Variants in ALS2 observed in about 807,000 individuals in gnomAD.
ALS2 encodes alsin.
ALS2 carries 117 observed loss-of-function variants against 203.4 expected under a neutral mutation model. That is an observed-to-expected ratio of 0.58 (90% confidence interval 0.50 to 0.67). The LOEUF (loss-of-function observed/expected upper bound fraction) is 0.67, where lower values mean the gene tolerates loss of function less well. Ranked by LOEUF, ALS2 falls within the 30% of genes least tolerant of loss-of-function variation. The pLI is 0.00. For synonymous variants in ALS2, 718 were observed against 725.9 expected, an observed-to-expected ratio of 0.99 and a Z score of 0.17; for missense variants, 1,715 against 1,989.4, an observed-to-expected ratio of 0.86 and a Z score of 2.62.
intron 12 of ALS2, among the ~76,000 whole-genome samples, chr2:201,736,350 G>C (rs1200574209): frequency 6.6e-6 from 1 of 152,050 alleles, no homozygotes; most frequent in African/African-American, 2.4e-5. Context: ...AAATCAACAA[G>C]CATGTGAGTC....
chr2:201,773,139 C>T (rs981157563), intron 1 of ALS2, among the ~76,000 whole-genome samples: 3 of 152,070 alleles, frequency 2.0e-5, no homozygotes, highest in African/African-American at 7.2e-5. Context: ...GGATTACAGG[C>T]GTGAGCCAAT....
chr2:201,727,058 C>A lies in ALS2; in HGVS notation c.2979+154G>T, dbSNP rs982217644. Among the ~76,000 whole-genome samples, 177 of 141,312 alleles carry A rather than the reference C, an allele frequency of 1.3e-3. No individual in the cohort carries two copies. Among genetic ancestry groups the A allele is most frequent in the African/African-American group, 3.8e-3 (144 of 38,040 alleles). The allele number at this position is 141,312 out of a possible 152,430, so 92.7% of individuals were successfully genotyped here. On this transcript the variant is annotated intron_variant, in intron 17 of 33. Transcript: ENST00000264276. Reference sequence around the variant, plus strand: ...AATTAAGTCACATTAAAAAAAAAAACAATGAAGAACCTACAGTTTTGGGTT... The same window carrying A: ...AATTAAGTCACATTAAAAAAAAAAAAAATGAAGAACCTACAGTTTTGGGTT...
chr2:201,701,457 C>T lies in ALS2; in HGVS notation c.*394G>A, dbSNP rs745888492. 3 of 171,906 alleles carry T rather than the reference C, an allele frequency of 1.7e-5. No homozygotes were observed. The highest frequency in any genetic ancestry group is 1.5e-4 in the East Asian group (1 of 6,480). The allele number at this position is 171,906 out of a possible 1,614,324, so 10.6% of individuals were successfully genotyped here. A position where few individuals can be genotyped will look rare whatever the true frequency, so the allele number is the denominator to read the frequency against. On this transcript the variant is annotated 3_prime_UTR_variant, in exon 34 of 34. Coordinates refer to ENST00000264276, the MANE Select transcript of ALS2 (RefSeq NM_020919.4). ...TAACTGCAGGTGGATTCAGGCAAAC[C>T]AGAAATTCAAAAATATCCATCAACT...
At chr2:201,718,678 A>G (rs1690565927) in intron 23 of ALS2, among the ~76,000 whole-genome samples, 1 of 152,232 alleles carries the variant, frequency 6.6e-6, no homozygotes. Context: ...ATGCATGTCT[A>G]AAAGAGTATA....
intron 23 of ALS2, chr2:201,722,407 T>C (rs1265686855): frequency 6.6e-6 from 1 of 152,296 alleles, no homozygotes; most frequent in African/African-American, 2.4e-5. Context: ...ACAGACACTT[T>C]GGAAAAAAGT....
intron 6 of ALS2, among the ~76,000 whole-genome samples, chr2:201,753,589 TATG>T (rs1308755743): frequency 6.6e-6 from 1 of 152,218 alleles, no homozygotes; most frequent in Non-Finnish European, 1.5e-5. Context: ...TTCACTCTAC[TATG>T]AATACAGACA....
At position 201,753,248 on chromosome 2, in the gene ALS2, A is replaced by G. The variant is rs772426093; in HGVS notation, c.1641-6T>C. The G allele has an allele frequency of 6.2e-7, 1 of 1,611,272 alleles. No individual in the cohort carries two copies. On this transcript the variant is annotated splice_region_variant and splice_polypyrimidine_tract_variant and intron_variant, in intron 6 of 33. Coordinates refer to ENST00000264276, the MANE Select transcript of ALS2 (RefSeq NM_020919.4). ...TTACACACAACGGTTGAAGCCTTAAAAAGAAACACACAGGCACACAAAGTC... is the reference window on the plus strand; with the variant it reads ...TTACACACAACGGTTGAAGCCTTAAGAAGAAACACACAGGCACACAAAGTC...
intron 7 of ALS2, 89 bp from the exon 8 acceptor site, chr2:201,749,878 C>T (rs1692925002): frequency 1.1e-6 from 1 of 946,430 alleles, no homozygotes; most frequent in Non-Finnish European, 1.7e-6. Flanking sequence ...AACATATATA[C>T]ACAAATACCA....
intron 17 of ALS2, 116 bp downstream of exon 17, chr2:201,727,096 T>A: frequency 9.3e-7 from 1 of 1,078,544 alleles, no homozygotes; most frequent in Admixed American, 1.9e-5. Flanking sequence ...TGAAGATTTA[T>A]CAGACAGAAC....
intron 32 of ALS2, 84 bp from the exon 33 acceptor site, chr2:201,704,302 G>A: frequency 1.3e-6 from 2 of 1,498,216 alleles, no homozygotes; most frequent in Non-Finnish European, 9.3e-7. Flanking sequence ...GAAAAAGAAA[G>A]AACAGCTCAA....
intron 12 of ALS2, among the ~76,000 whole-genome samples, chr2:201,733,784 T>C (rs1691716805): frequency 6.6e-6 from 1 of 152,126 alleles, no homozygotes; most frequent in Non-Finnish European, 1.5e-5. Context: ...GTCACAGCAA[T>C]AAATGGCAAG....
rs771624415 is a variant in ALS2 at position 201,754,534 on chromosome 2, C to T, written c.1609G>A (p.Gly537Arg). 6 of 1,614,098 alleles carry T rather than the reference C, an allele frequency of 3.7e-6. No homozygotes were observed. The highest frequency in any genetic ancestry group is 5.1e-6 in the Non-Finnish European group (6 of 1,180,008). The change falls in exon 6 of 34, where the codon GGG (glycine) becomes AGG (arginine). Residue 537 changes from glycine (G) to arginine (R), a missense_variant. Physicochemically the swap from Gly to Arg is moderately radical, Grantham distance 125. Around this residue, in one of 3 missense-constraint regions of ALS2, gnomAD observed 1,227 missense variants for 1,413.5 expected, o/e 0.87. Transcript: ENST00000264276. ...AGAACATCGCCGTGCCCCAGCTGCC[C>T]TTCCTTCCCTTTCCCCCAGGTCCAC... is the stretch of plus-strand genomic sequence containing the variant. ...EVWTWGKGKE[G>R]QLGHGDVLPR...
chr2:201,725,185 G>GGTT (rs1285235868), intron 20 of ALS2, among the ~76,000 whole-genome samples, 171 bp downstream of exon 20: 2 of 151,658 alleles, frequency 1.3e-5, no homozygotes, highest in African/African-American at 4.8e-5. Context: ...ATAGATGAGG[G>GGTT]GTTAACCTTT....
At chr2:201,766,230 C>A (rs1348713181) in intron 3 of ALS2, among the ~76,000 whole-genome samples, 2 of 152,080 alleles carry the variant, frequency 1.3e-5, no homozygotes, top group Non-Finnish European at 2.9e-5. Flanking sequence ...TATTTATTAC[C>A]ATAAAATTTT....
At position 201,706,878 on chromosome 2, in the gene ALS2, A is replaced by ATCTG. The variant is rs1337097412; in HGVS notation, c.4544_4547dup (p.Ile1517ArgfsTer26). ...CCCCAAGAAAGCCCAGGAGAGCAATATCTGGCTGCTTATTTAGTCGAAGGA... is the reference window on the plus strand; with the variant it reads ...CCCCAAGAAAGCCCAGGAGAGCAATATCTGTCTGGCTGCTTATTTAGTCGAAGGA... On this transcript the variant is annotated frameshift_variant, in exon 29 of 34. Coordinates refer to ENST00000264276, the MANE Select transcript of ALS2 (RefSeq NM_020919.4). LOFTEE classifies it high-confidence loss of function. 1.6e-5 allele frequency: 26 copies of ATCTG among 1,614,076 alleles called. No individual in the cohort carries two copies. Among genetic ancestry groups the ATCTG allele is most frequent in the Non-Finnish European group, 2.2e-5 (26 of 1,179,968 alleles).
chr2:201,733,331 C>A lies in ALS2; in HGVS notation c.2525G>T (p.Arg842Ile). The A allele has an allele frequency of 6.2e-7, 1 of 1,613,856 alleles. No homozygotes were observed. The highest frequency in any genetic ancestry group is 8.5e-7 in the Non-Finnish European group (1 of 1,179,928). ...ILNTLFFLPIRRLHNYAKVLL... is the reference protein window; with the variant it reads ...ILNTLFFLPIIRLHNYAKVLL... The stretch of plus-strand genomic sequence containing the variant: ...AACTTTTGCGTAATTATGAAGTCGT[C>A]TGATTGGCAAGAAAAACAAAGTATT... The change falls in exon 13 of 34, where the codon AGA (arginine) becomes ATA (isoleucine). Residue 842 changes from arginine to isoleucine, a missense_variant. This residue lies in a region of ALS2 where 1,227 missense variants were observed against 1,413.5 expected (regional missense o/e 0.87). Transcript: ENST00000264276.
chr2:201,746,880 C>T, intron 8 of ALS2, 132 bp from the exon 9 acceptor site: 1 of 976,470 alleles, frequency 1.0e-6, no homozygotes, highest in Non-Finnish European at 1.6e-6. Context: ...GCAAACTTAC[C>T]CAGCAATTTG....
At position 201,711,091 on chromosome 2, in the gene ALS2, C is replaced by G; in HGVS notation, c.4022G>C (p.Arg1341Pro). ...QHRDSPEILS[R>P]SQTQTLESLE... Reference sequence around the variant, plus strand: ...ACTCTCTAGTGTCTGAGTCTGTGAACGACTCAGTATTTCTGGACTATAAAA... The same window carrying G: ...ACTCTCTAGTGTCTGAGTCTGTGAAGGACTCAGTATTTCTGGACTATAAAA... The change falls in exon 26 of 34, where the codon CGT (arginine) becomes CCT (proline). Residue 1341 changes from arginine to proline, a missense_variant. By Grantham distance (103) the Arg-to-Pro change is moderately radical (BLOSUM62 -2). Around this residue, in one of 3 missense-constraint regions of ALS2, gnomAD observed 1,227 missense variants for 1,413.5 expected, o/e 0.87. Transcript: ENST00000264276. 6.2e-7 allele frequency: 1 copy of G among 1,602,874 alleles called. No homozygotes were observed. The highest frequency in any genetic ancestry group is 1.7e-4 in the Middle Eastern group (1 of 6,050).
rs554152170 is a variant in ALS2, at chr2:201,701,435, C to T, written c.*416G>A. ...GGTTCTTGCAAACGGATCGGGGTAA[C>T]TGCAGGTGGATTCAGGCAAACCAGA... is the stretch of plus-strand genomic sequence containing the variant. On this transcript the variant is annotated 3_prime_UTR_variant, in exon 34 of 34. Coordinates refer to ENST00000264276, the MANE Select transcript of ALS2 (RefSeq NM_020919.4). 5.9e-6 allele frequency: 1 copy of T among 169,096 alleles called. No homozygotes were observed. Among genetic ancestry groups the T allele is most frequent in the Non-Finnish European group, 1.3e-5 (1 of 77,608 alleles). 10.5% of individuals were successfully genotyped at this position (169,096 alleles called of 1,614,324 possible). A position where few individuals can be genotyped will look rare whatever the true frequency, so the allele number is the denominator to read the frequency against.
Sources: allele counts gnomAD v4.1 joint callset (sites outside exome capture counted in the v4.1 genomes callset), GRCh38; gene constraint gnomAD v4.1.1; regional missense constraint gnomAD v4.1.1; transcripts MANE v1.5; gene names NCBI Gene and HGNC (gene_info 2026-07-23, HGNC 2026-07-21).